Variants in FRMD4A observed in about 807,000 individuals in gnomAD.
FRMD4A encodes the protein FERM domain containing 4A.
Under a neutral mutation model 129.1 loss-of-function variants are expected in FRMD4A, and 29 were observed. The ratio of observed to expected loss-of-function variants is 0.22; its 90% CI spans 0.17 to 0.31. FRMD4A has a LOEUF of 0.31. Among genes scored for constraint, FRMD4A ranks in the 10% least tolerant of loss-of-function variants. The pLI, the probability that FRMD4A is intolerant of heterozygous loss-of-function variation, is 1.00. For synonymous variants in FRMD4A, 634 were observed against 571.6 expected, an observed-to-expected ratio of 1.11 and a Z score of -1.56; for missense variants, 1,272 against 1,375.8, an observed-to-expected ratio of 0.92 and a Z score of 1.19.
At chr10:14,330,305 A>T in intron 1 of FRMD4A, 122 bp from the exon 2 acceptor site, 2 of 471,020 alleles carry the variant, frequency 4.2e-6, no homozygotes, top group Non-Finnish European at 7.6e-6. Flanking sequence ...GTGCTTAGGG[A>T]GGAAAAAAAA....
chr10:14,291,133 T>C (rs1845839074), intron 2 of FRMD4A, among the ~76,000 whole-genome samples: 1 of 152,136 alleles, frequency 6.6e-6, no homozygotes, highest in Non-Finnish European at 1.5e-5. Flanking sequence ...TCAATTTTTA[T>C]AAAGATAGAA....
At position 13,908,812 on chromosome 10, in the gene FRMD4A, T is replaced by A. The variant is rs1238880742; in HGVS notation, c.46-49900A>T. ...AAAAGACAGGAAATCCAGTTAAATT[T>A]GAATTTCAGATAAACAACAAGTTCA... On this transcript the variant is annotated intron_variant, in intron 2 of 24. Coordinates refer to ENST00000357447, the MANE Select transcript of FRMD4A (RefSeq NM_018027.5). Among the ~76,000 whole-genome samples the A allele has an allele frequency of 2.0e-5, 3 of 152,372 alleles. No homozygotes were observed. In the East Asian group the frequency reaches 5.8e-4, roughly 29 times the overall value.
chr10:13,711,899 TCTAA>T (rs1488067551), intron 12 of FRMD4A: 1 of 152,210 alleles, frequency 6.6e-6, no homozygotes, highest in Non-Finnish European at 1.5e-5. Context: ...TACTCTAACC[TCTAA>T]CTATGTTGCT....
intron 13 of FRMD4A, among the ~76,000 whole-genome samples, chr10:13,702,354 G>A (rs1163694138): frequency 6.6e-6 from 1 of 152,246 alleles, no homozygotes; most frequent in South Asian, 2.1e-4. Context: ...ATGAGCCACC[G>A]CACCTGGCCC....
chr10:13,779,135 G>A (rs1185413595), intron 6 of FRMD4A, among the ~76,000 whole-genome samples: 3 of 152,024 alleles, frequency 2.0e-5, no homozygotes, highest in Admixed American at 6.6e-5. Flanking sequence ...TGACTAACAC[G>A]GTGAAACCCC....
intron 2 of FRMD4A, among the ~76,000 whole-genome samples, chr10:13,987,681 C>T (rs1316497603): frequency 2.0e-5 from 3 of 152,104 alleles, no homozygotes; most frequent in African/African-American, 4.8e-5. Flanking sequence ...TTTACTCATC[C>T]GTCTCTCTTC....
chr10:13,720,700 A>G (rs925329337), intron 12 of FRMD4A, among the ~76,000 whole-genome samples: 2 of 152,244 alleles, frequency 1.3e-5, no homozygotes, highest in African/African-American at 4.8e-5. Flanking sequence ...CAAGGTAGCC[A>G]GGGAAGGTGT....
At chr10:13,680,690 C>A (rs2134757266) in intron 15 of FRMD4A, among the ~76,000 whole-genome samples, 1 of 151,964 alleles carries the variant, frequency 6.6e-6, no homozygotes, top group African/African-American at 2.4e-5. Context: ...GGCGCCACTG[C>A]ACTCCAGCCG....
chr10:14,116,151 A>C (rs553078538), intron 2 of FRMD4A, among the ~76,000 whole-genome samples: 1 of 152,246 alleles, frequency 6.6e-6, no homozygotes, highest in African/African-American at 2.4e-5. Flanking sequence ...CCTTCTGTGC[A>C]TGCAAATGGA....
chr10:14,254,296 T>C (rs577690206), intron 2 of FRMD4A, among the ~76,000 whole-genome samples: 1 of 152,364 alleles, frequency 6.6e-6, no homozygotes, highest in Admixed American at 6.5e-5. Context: ...TCCGGTTCTG[T>C]ATGCATCTAT....
At chr10:13,830,254 C>A (rs953564004) in intron 3 of FRMD4A, among the ~76,000 whole-genome samples, 8 of 152,212 alleles carry the variant, frequency 5.3e-5, no homozygotes, top group Admixed American at 3.3e-4. Flanking sequence ...CCTCCATTTG[C>A]AGGAGGAAGG....
chr10:14,067,545 G>A (rs1052009741), intron 2 of FRMD4A, among the ~76,000 whole-genome samples: 5 of 152,078 alleles, frequency 3.3e-5, no homozygotes, highest in South Asian at 2.1e-4. Context: ...GAGGCCGGGC[G>A]CAGTGGCTCA....
intron 14 of FRMD4A, among the ~76,000 whole-genome samples, chr10:13,695,029 C>A (rs4314962): frequency 0.74 from 113,202 of 152,076 alleles, 44,398 homozygotes; most frequent in East Asian, 0.91. Flanking sequence ...TCAAAGGATA[C>A]TCCCTTTAAT....
intron 2 of FRMD4A, among the ~76,000 whole-genome samples, chr10:13,899,080 C>T (rs557681357): frequency 2.0e-5 from 3 of 151,866 alleles, no homozygotes; most frequent in Non-Finnish European, 2.9e-5. Context: ...TGGGAGGATG[C>T]GGTGGGAGGA....
chr10:13,904,355 C>A (rs565621322), intron 2 of FRMD4A, among the ~76,000 whole-genome samples: 1 of 152,332 alleles, frequency 6.6e-6, no homozygotes, highest in African/African-American at 2.4e-5. Flanking sequence ...GGTTGACTCC[C>A]ACTCACTCTT....
intron 2 of FRMD4A, among the ~76,000 whole-genome samples, chr10:14,313,004 G>A (rs1846609083): frequency 6.6e-6 from 1 of 152,098 alleles, no homozygotes; most frequent in Non-Finnish European, 1.5e-5. Flanking sequence ...AAGGAAACCT[G>A]GTTTTAATGT....
chr10:14,330,534 AC>A (rs1843479568), intron 1 of FRMD4A, 62 bp downstream of exon 1: 2 of 407,534 alleles, frequency 4.9e-6, no homozygotes, highest in Admixed American at 4.1e-5. Flanking sequence ...AGCCCGAGCC[AC>A]CCCCTCTCTC....
At chr10:13,681,870 C>T (rs2084623365) in intron 15 of FRMD4A, among the ~76,000 whole-genome samples, 1 of 152,098 alleles carries the variant, frequency 6.6e-6, no homozygotes, top group African/African-American at 2.4e-5. Flanking sequence ...TTAGAAGATG[C>T]TTGGAAGAGA....
intron 2 of FRMD4A, among the ~76,000 whole-genome samples, chr10:14,215,544 C>G (rs1250750556): frequency 6.6e-6 from 1 of 152,114 alleles, no homozygotes; most frequent in Non-Finnish European, 1.5e-5. Context: ...TTTGCAGGCT[C>G]TCCTTCTTAG....
Sources: gnomAD v4.1 joint callset for allele counts (sites outside exome capture counted in the v4.1 genomes callset) on GRCh38, gnomAD v4.1.1 for gene constraint, MANE v1.5 for transcripts, NCBI Gene and HGNC (gene_info 2026-07-23, HGNC 2026-07-21) for gene names.